The following PCDH15 variants were observed in gnomAD, a reference collection of about 807,000 sequenced individuals.
PCDH15 encodes the protein protocadherin related 15.
In PCDH15, 129 loss-of-function variants were observed where a neutral mutation model predicts 178.5. That is an observed-to-expected ratio of 0.72 (90% confidence interval 0.63 to 0.84). The LOEUF (loss-of-function observed/expected upper bound fraction) is 0.84. Among genes scored for constraint, PCDH15 ranks in the 40% least tolerant of loss-of-function variants. The probability of loss-of-function intolerance (pLI) is 0.00; values close to 1 mark genes in which losing one functional copy is unlikely to be tolerated. For synonymous variants in PCDH15, 800 were observed against 732.0 expected (o/e 1.09, Z -1.50); for missense variants, 2,230 against 2,099.9 (o/e 1.06, Z -1.21).
intron 27 of PCDH15, among the ~76,000 whole-genome samples, chr10:53,862,131 A>C (rs1481832420): frequency 2.0e-5 from 3 of 151,910 alleles, no homozygotes; most frequent in South Asian, 2.1e-4. Context: ...AGCTCACAGA[A>C]ACCTCTGCCT....
At chr10:54,701,960 C>T (rs1419593575) in intron 1 of PCDH15, among the ~76,000 whole-genome samples, 9 of 152,028 alleles carry the variant, frequency 5.9e-5, no homozygotes, top group African/African-American at 2.2e-4. Context: ...ATGGACCTAA[C>T]AGACATAGAC....
At chr10:54,053,764 C>G (rs1258947927) in intron 18 of PCDH15, among the ~76,000 whole-genome samples, 1 of 152,022 alleles carries the variant, frequency 6.6e-6, no homozygotes, top group Admixed American at 6.6e-5. Flanking sequence ...GTAATAATAA[C>G]CATATTGTGT....
At chr10:53,867,024 CTT>C (rs920315222) in intron 26 of PCDH15, among the ~76,000 whole-genome samples, 167 bp from the exon 27 acceptor site, 18 of 152,048 alleles carry the variant, frequency 1.2e-4, no homozygotes, top group African/African-American at 4.1e-4. Flanking sequence ...GATTAATAGA[CTT>C]TGTGTCCACA....
intron 2 of PCDH15, among the ~76,000 whole-genome samples, chr10:55,084,480 A>T (rs947649146): frequency 6.6e-6 from 1 of 151,766 alleles, no homozygotes; most frequent in East Asian, 1.9e-4. Flanking sequence ...AAACTAAAAG[A>T]AAACTTTTGG....
intron 3 of PCDH15, among the ~76,000 whole-genome samples, chr10:54,450,298 T>C (rs2076396874): frequency 6.6e-6 from 1 of 151,408 alleles, no homozygotes; most frequent in Non-Finnish European, 1.5e-5. Flanking sequence ...TGGCTTCCTG[T>C]CAAGTAATGT....
intron 2 of PCDH15, among the ~76,000 whole-genome samples, chr10:55,335,750 A>C (rs1844368558): frequency 2.0e-5 from 3 of 152,170 alleles, no homozygotes; most frequent in South Asian, 2.1e-4. Context: ...ATCTAAAAAC[A>C]CAGTTAGAAG....
intron 2 of PCDH15, among the ~76,000 whole-genome samples, chr10:54,925,207 T>C (rs1386984159): frequency 6.6e-6 from 1 of 152,212 alleles, no homozygotes; most frequent in Non-Finnish European, 1.5e-5. Context: ...AAAAATCCTT[T>C]CCTTGTTACT....
intron 26 of PCDH15, among the ~76,000 whole-genome samples, chr10:53,884,921 CATAAT>C (rs1221054063): frequency 1.3e-5 from 2 of 152,116 alleles, no homozygotes; most frequent in Admixed American, 6.6e-5. Flanking sequence ...TGATTACTAA[CATAAT>C]ATACCATTAA....
intron 2 of PCDH15, among the ~76,000 whole-genome samples, chr10:55,452,830 G>A (rs1839465593): frequency 6.6e-6 from 1 of 151,994 alleles, no homozygotes; most frequent in South Asian, 2.1e-4. Context: ...AAAACATTCA[G>A]AATAAAGGAT....
At chr10:55,500,283 C>G (rs1840626608) in intron 2 of PCDH15, among the ~76,000 whole-genome samples, 1 of 151,546 alleles carries the variant, frequency 6.6e-6, no homozygotes, top group African/African-American at 2.4e-5. Context: ...TATTGAAATT[C>G]AAAAGAAGAT....
chr10:54,759,876 C>T (rs1177106087), intron 1 of PCDH15, among the ~76,000 whole-genome samples: 1 of 152,176 alleles, frequency 6.6e-6, no homozygotes, highest in Non-Finnish European at 1.5e-5. Context: ...ATGATTCTTT[C>T]ACTACTATGC....
chr10:54,148,988 A>G (rs527923252), intron 14 of PCDH15, among the ~76,000 whole-genome samples: 74 of 152,102 alleles, frequency 4.9e-4, no homozygotes, highest in Admixed American at 2.2e-3. Context: ...TTTCTGTGGC[A>G]TGGCCTTTTA....
intron 2 of PCDH15, among the ~76,000 whole-genome samples, chr10:54,907,527 C>A (rs1465701000): frequency 6.6e-6 from 1 of 152,130 alleles, no homozygotes; most frequent in Non-Finnish European, 1.5e-5. Context: ...TCACTGTATG[C>A]TCTCTTGGTC....
chr10:54,300,484 T>G (rs1324015863), intron 8 of PCDH15, among the ~76,000 whole-genome samples: 5 of 152,172 alleles, frequency 3.3e-5, no homozygotes, highest in African/African-American at 1.2e-4. Flanking sequence ...GCCCTTTCAC[T>G]GGCCGAAAGA....
intron 2 of PCDH15, among the ~76,000 whole-genome samples, chr10:55,038,318 T>C (rs1354927718): frequency 6.6e-6 from 1 of 152,182 alleles, no homozygotes; most frequent in African/African-American, 2.4e-5. Context: ...AATTGTAAAA[T>C]AATTCATAAT....
At chr10:54,250,225 T>C (rs192278796) in intron 8 of PCDH15, among the ~76,000 whole-genome samples, 3 of 151,170 alleles carry the variant, frequency 2.0e-5, no homozygotes, top group Admixed American at 1.3e-4. Flanking sequence ...TGTAATCTCA[T>C]TGCAAAACTC....
At chr10:54,747,528 TAC>T (rs1314376008) in intron 1 of PCDH15, among the ~76,000 whole-genome samples, 3 of 152,216 alleles carry the variant, frequency 2.0e-5, no homozygotes, top group African/African-American at 7.2e-5. Flanking sequence ...AAAGCATAAC[TAC>T]AGTTTTATAA....
intron 1 of PCDH15, among the ~76,000 whole-genome samples, chr10:55,306,383 T>A (rs907914613): frequency 6.6e-6 from 1 of 152,212 alleles, no homozygotes. Context: ...TTCCTATCAA[T>A]CTTTCACCTC....
rs766969775 is a variant in PCDH15, at chr10:54,185,201, C to G, written c.1373G>C (p.Gly458Ala). Residue 458 changes from glycine (G) to alanine (A), a missense_variant, in exon 12 of 38, where the codon GGT (glycine) becomes GCT (alanine). Gly to Ala is a moderately conservative substitution (Grantham distance 60). Coordinates refer to ENST00000644397, the MANE Select transcript of PCDH15 (RefSeq NM_001384140.1). ...YTSVFTVTQTGITRYLTLLQP... is the reference protein window; with the variant it reads ...YTSVFTVTQTAITRYLTLLQP... ...AAGTAAGGTGAGGTAGCGAGTAATA[C>G]CAGTCTGTGTGACGGTGAAGACTGA... 8.7e-6 allele frequency: 14 copies of G among 1,613,520 alleles called. No homozygotes were observed. Among genetic ancestry groups the G allele is most frequent in the Non-Finnish European group, 1.1e-5 (13 of 1,179,676 alleles).
Sources: gnomAD v4.1 joint callset for allele counts (sites outside exome capture counted in the v4.1 genomes callset) on GRCh38, gnomAD v4.1.1 for gene constraint, MANE v1.5 for transcripts, NCBI Gene and HGNC (gene_info 2026-07-23, HGNC 2026-07-21) for gene names.